SNX8: variants seen among roughly 807,000 people sequenced by gnomAD.
The protein encoded by SNX8 is sorting nexin-8.
In SNX8, 25 loss-of-function variants were observed where a neutral mutation model predicts 51.6. The observed-to-expected ratio is 0.48, with a 90% CI of 0.35 to 0.68. SNX8 has a LOEUF of 0.68. Among genes scored for constraint, SNX8 ranks in the 30% least tolerant of loss-of-function variants. SNX8 has a pLI of 0.00. For missense variants in SNX8, 695 were observed against 624.0 expected, an observed-to-expected ratio of 1.11 and a Z score of -1.21; for synonymous variants, 324 against 277.0, an observed-to-expected ratio of 1.17 and a Z score of -1.68.
chr7:2,292,743 G>C (rs1033060537), intron 1 of SNX8, among the ~76,000 whole-genome samples: 2 of 152,104 alleles, frequency 1.3e-5, no homozygotes, highest in African/African-American at 4.8e-5. Flanking sequence ...GACACCAAAA[G>C]CACAGCAACA....
At chr7:2,281,762 A>G (rs2115145058) in intron 1 of SNX8, among the ~76,000 whole-genome samples, 1 of 152,274 alleles carries the variant, frequency 6.6e-6, no homozygotes. Flanking sequence ...GCTGAAATCC[A>G]GCCTCCATCA....
At chr7:2,341,609 C>A (rs1485524423) in intron 1 of SNX8, among the ~76,000 whole-genome samples, 1 of 152,062 alleles carries the variant, frequency 6.6e-6, no homozygotes, top group Non-Finnish European at 1.5e-5. Flanking sequence ...GAGTTAGAGG[C>A]TGCAGTGAGC....
At chr7:2,349,209 CA>C (rs1243485336) in intron 1 of SNX8, among the ~76,000 whole-genome samples, 1,392 of 93,844 alleles carry the variant, frequency 0.015, 11 homozygotes, top group African/African-American at 0.043. Context: ...GTCTCAAAAA[CA>C]AAAAAAAAAA....
At chr7:2,257,096 T>A in intron 9 of SNX8, 73 bp from the exon 10 acceptor site, 1 of 1,483,540 alleles carries the variant, frequency 6.7e-7, no homozygotes, top group Non-Finnish European at 9.0e-7. Flanking sequence ...AACACCAGCG[T>A]GCTCCCTGAG....
chr7:2,306,476 A>G (rs978767455), intron 1 of SNX8, among the ~76,000 whole-genome samples: 1 of 152,192 alleles, frequency 6.6e-6, no homozygotes, highest in African/African-American at 2.4e-5. Context: ...TGGCAAGAAT[A>G]TCTCTAACTG....
chr7:2,344,119 C>T (rs1033486719), intron 1 of SNX8, among the ~76,000 whole-genome samples: 1 of 149,948 alleles, frequency 6.7e-6, no homozygotes, highest in African/African-American at 2.5e-5. Context: ...CAGAAGGATT[C>T]CTTGAACCCA....
intron 1 of SNX8, among the ~76,000 whole-genome samples, chr7:2,335,996 G>A (rs1419915917): frequency 6.6e-6 from 1 of 151,340 alleles, no homozygotes; most frequent in Non-Finnish European, 1.5e-5. Context: ...CCAGATACTT[G>A]AGAGGCTGAG....
intron 10 of SNX8, among the ~76,000 whole-genome samples, chr7:2,256,649 C>T (rs1372810523): frequency 6.6e-6 from 1 of 152,238 alleles, no homozygotes; most frequent in Non-Finnish European, 1.5e-5. Flanking sequence ...CTGCTCCTCC[C>T]TCCGCCCCCC....
chr7:2,268,119 G>A (rs561675453), intron 5 of SNX8, among the ~76,000 whole-genome samples: 14 of 146,274 alleles, frequency 9.6e-5, no homozygotes, highest in African/African-American at 3.7e-4. Flanking sequence ...GGAGGTGGGG[G>A]GGTCAGCCCC....
intron 6 of SNX8, among the ~76,000 whole-genome samples, chr7:2,264,006 G>A (rs544269603): frequency 5.9e-5 from 9 of 152,190 alleles, no homozygotes; most frequent in African/African-American, 1.7e-4. Context: ...GAGCCACCAC[G>A]CCTGGCCTGG....
intron 1 of SNX8, among the ~76,000 whole-genome samples, chr7:2,323,337 A>G (rs1213526884): frequency 2.6e-5 from 4 of 151,534 alleles, no homozygotes; most frequent in African/African-American, 9.7e-5. Flanking sequence ...CTCAAAAAAA[A>G]AAAAAAAAAA....
chr7:2,314,878 A>G (rs1796729122), upstream of SNX8, among the ~76,000 whole-genome samples: 1 of 152,172 alleles, frequency 6.6e-6, no homozygotes, highest in African/African-American at 2.4e-5. Flanking sequence ...TCCTGCATTC[A>G]TTCATTCACC....
At chr7:2,351,879 C>T (rs985754713) in intron 1 of SNX8, among the ~76,000 whole-genome samples, 13 of 146,514 alleles carry the variant, frequency 8.9e-5, no homozygotes, top group Non-Finnish European at 1.0e-4. Context: ...AACAAAAAAT[C>T]GAGTAAGTTT....
chr7:2,254,746 C>T lies in SNX8; in HGVS notation c.*310G>A. ...CCCTGCCTCCACGCTCCCCCAGGCA[C>T]AATCTCTGTGAGATGAGAGATCCCT... is the stretch of plus-strand genomic sequence containing the variant. On this transcript the variant is annotated 3_prime_UTR_variant, in exon 11 of 11. Coordinates refer to ENST00000222990, the MANE Select transcript of SNX8 (RefSeq NM_013321.4). 1 of 423,234 alleles carries T rather than the reference C, an allele frequency of 2.4e-6. No individual in the cohort carries two copies. The highest frequency in any genetic ancestry group is 4.3e-6 in the Non-Finnish European group (1 of 231,014). The allele number at this position is 423,234 out of a possible 1,614,324, so 26.2% of individuals were successfully genotyped here.
intron 7 of SNX8, among the ~76,000 whole-genome samples, chr7:2,258,294 C>T (rs1355398226): frequency 1.3e-5 from 2 of 152,108 alleles, no homozygotes; most frequent in Non-Finnish European, 2.9e-5. Flanking sequence ...GGATTACAGG[C>T]GTGAGCCACC....
At position 2,337,655 on chromosome 7, in the gene SNX8, G is replaced by A. The variant is rs139675742; in HGVS notation, c.-66+16567C>T. Reference sequence around the variant, plus strand: ...CAGAGAGCAATGCCTGGAGGGAAACGTATAATCTGAAATGCAAATACGAGA... The same window carrying A: ...CAGAGAGCAATGCCTGGAGGGAAACATATAATCTGAAATGCAAATACGAGA... On this transcript the variant is annotated intron_variant, in intron 1 of 5. Coordinates refer to the SNX8 transcript ENST00000435336. Among the ~76,000 whole-genome samples, 544 of 151,996 alleles carry A rather than the reference G, an allele frequency of 3.6e-3. 3 individuals carry two copies. Among genetic ancestry groups the A allele is most frequent in the African/African-American group, 0.012 (512 of 41,478 alleles).
chr7:2,332,882 GAA>G (rs996701969), intron 1 of SNX8, among the ~76,000 whole-genome samples: 13 of 150,606 alleles, frequency 8.6e-5, no homozygotes, highest in African/African-American at 3.2e-4. Flanking sequence ...GAAAGAGAAA[GAA>G]AGAAAGAAAA....
intron 4 of SNX8, among the ~76,000 whole-genome samples, chr7:2,271,340 G>A (rs572526590): frequency 6.6e-6 from 1 of 152,312 alleles, no homozygotes; most frequent in East Asian, 1.9e-4. Flanking sequence ...CTGTACCTGC[G>A]AACTGTAGCT....
In SNX8 at chr7:2,289,059, G is replaced by T. The variant is rs192870056; in HGVS notation, c.95-10754C>A. On this transcript the variant is annotated intron_variant, in intron 1 of 10. Coordinates refer to ENST00000222990, the MANE Select transcript of SNX8 (RefSeq NM_013321.4). ...GCTTGTTTTTATATTATGTAACCAC[G>T]GTCGAAAGTCAGTTCCTTTGTTCCT... is the stretch of plus-strand genomic sequence containing the variant. Among the ~76,000 whole-genome samples the T allele has an allele frequency of 1.1e-4, 16 of 152,260 alleles. No individual in the cohort carries two copies. In the South Asian group the frequency reaches 3.3e-3, roughly 32 times the overall value.
Sources: gnomAD v4.1 joint callset for allele counts (sites outside exome capture counted in the v4.1 genomes callset) on GRCh38, gnomAD v4.1.1 for gene constraint, MANE v1.5 for transcripts, NCBI Gene and HGNC (gene_info 2026-07-23, HGNC 2026-07-21) for gene names.